The following RIMS1 variants were observed in gnomAD, a reference collection of about 807,000 sequenced individuals.
RIMS1 encodes the protein regulating synaptic membrane exocytosis 1.
RIMS1 carries 83 observed loss-of-function variants against 214.1 expected under a neutral mutation model. The ratio of observed to expected loss-of-function variants is 0.39; its 90% CI spans 0.32 to 0.47. The LOEUF (loss-of-function observed/expected upper bound fraction) is 0.47, where lower values mean the gene tolerates loss of function less well. Among genes scored for constraint, RIMS1 ranks in the 20% least tolerant of loss-of-function variants. The pLI is 0.99. For synonymous variants in RIMS1, 793 were observed against 786.8 expected, an observed-to-expected ratio of 1.01 and a Z score of -0.13; for missense variants, 2,050 against 2,161.8, an observed-to-expected ratio of 0.95 and a Z score of 1.03.
chr6:72,396,983 A>C (rs1311491321), intron 31 of RIMS1, among the ~76,000 whole-genome samples: 6 of 152,204 alleles, frequency 3.9e-5, no homozygotes, highest in Admixed American at 3.9e-4. Flanking sequence ...ACTGCACTCC[A>C]ACCTGGACGA....
rs1465724750 is a variant in RIMS1, at chr6:72,317,305, A to G, written c.4130+3633A>G. 7.4e-5 allele frequency: 20 copies of G among 271,868 alleles called. No homozygotes were observed. The Admixed American group carries it at 9.2e-4, about 13-fold the overall frequency. The allele number at this position is 271,868 out of a possible 1,614,324, so 16.8% of individuals were successfully genotyped here. The stretch of plus-strand genomic sequence containing the variant: ...ACCCCAGTTCTGCCAGCACCTGCAC[A>G]GGGCTGTGTTCTGCCACCATAGCGA... On this transcript the variant is annotated intron_variant, in intron 28 of 33. Transcript: ENST00000521978.
intron 2 of RIMS1, among the ~76,000 whole-genome samples, chr6:71,976,716 T>C (rs1356153165): frequency 6.6e-6 from 1 of 152,188 alleles, no homozygotes; most frequent in Non-Finnish European, 1.5e-5. Context: ...GAGAGTTTTA[T>C]ACTTTTAGAT....
At chr6:72,348,592 A>G (rs1197580829) in intron 29 of RIMS1, among the ~76,000 whole-genome samples, 2 of 151,898 alleles carry the variant, frequency 1.3e-5, no homozygotes, top group East Asian at 3.9e-4. Flanking sequence ...TGATTTTTTA[A>G]TAGATTCAGA....
intron 28 of RIMS1, among the ~76,000 whole-genome samples, chr6:72,332,734 A>ACCTCT (rs1394834463): frequency 6.6e-6 from 1 of 151,238 alleles, no homozygotes; most frequent in Admixed American, 6.6e-5. Flanking sequence ...TGCTTGCCCT[A>ACCTCT]CCTCTCCTCA....
chr6:71,891,756 A>G (rs1769950690), intron 1 of RIMS1, among the ~76,000 whole-genome samples: 1 of 152,218 alleles, frequency 6.6e-6, no homozygotes, highest in South Asian at 2.1e-4. Context: ...AGAATATGGA[A>G]ACCAGTGTGG....
chr6:72,296,898 A>G (rs2094144270), intron 26 of RIMS1, among the ~76,000 whole-genome samples: 1 of 151,822 alleles, frequency 6.6e-6, no homozygotes. Context: ...CTACAAACCC[A>G]GATCTTTTTA....
intron 26 of RIMS1, among the ~76,000 whole-genome samples, chr6:72,303,186 A>G (rs115838596): frequency 0.015 from 2,323 of 151,102 alleles, 56 homozygotes; most frequent in African/African-American, 0.052. Context: ...TTCCTAGAAA[A>G]TTACTTTATC....
intron 10 of RIMS1, among the ~76,000 whole-genome samples, chr6:72,245,598 T>G (rs559696693): frequency 6.6e-6 from 1 of 152,274 alleles, no homozygotes; most frequent in African/African-American, 2.4e-5. Flanking sequence ...CATGTTAAAG[T>G]TTTGCTCTTA....
At chr6:71,964,338 T>C (rs1167216708) in intron 1 of RIMS1, among the ~76,000 whole-genome samples, 1 of 152,038 alleles carries the variant, frequency 6.6e-6, no homozygotes, top group Non-Finnish European at 1.5e-5. Flanking sequence ...AACTATTGGG[T>C]AGAGGTGGCA....
chr6:72,191,354 A>G (rs891692850), intron 6 of RIMS1, among the ~76,000 whole-genome samples: 13 of 152,198 alleles, frequency 8.5e-5, no homozygotes, highest in African/African-American at 2.4e-4. Flanking sequence ...CAGGACCCCT[A>G]GAAATTTTAC....
At chr6:72,300,490 AAT>A (rs2094503730) in intron 26 of RIMS1, among the ~76,000 whole-genome samples, 2 of 151,824 alleles carry the variant, frequency 1.3e-5, no homozygotes, top group Admixed American at 6.6e-5. Flanking sequence ...TTATTGGAGT[AAT>A]GAGAAATTAT....
chr6:72,334,193 A>G (rs1210241420), intron 29 of RIMS1, among the ~76,000 whole-genome samples: 2 of 151,860 alleles, frequency 1.3e-5, no homozygotes, highest in East Asian at 3.9e-4. Context: ...TCAATTACTT[A>G]TTTTTGGCTA....
intron 16 of RIMS1, among the ~76,000 whole-genome samples, chr6:72,255,652 G>A (rs1178099502): frequency 2.0e-5 from 3 of 152,112 alleles, no homozygotes; most frequent in African/African-American, 2.4e-5. Context: ...CTCATCTGAG[G>A]TGAGGAATCT....
chr6:72,102,409 T>A (rs762275304), intron 4 of RIMS1, among the ~76,000 whole-genome samples: 1 of 152,022 alleles, frequency 6.6e-6, no homozygotes, highest in Non-Finnish European at 1.5e-5. Flanking sequence ...TTTCAACATA[T>A]GAAAGCTGCA....
At chr6:72,303,673 A>G (rs2094861966) in intron 26 of RIMS1, among the ~76,000 whole-genome samples, 1 of 151,502 alleles carries the variant, frequency 6.6e-6, no homozygotes, top group African/African-American at 2.4e-5. Flanking sequence ...TGACATACAT[A>G]GATTAATATT....
chr6:72,363,321 G>A (rs1464105754), intron 29 of RIMS1, among the ~76,000 whole-genome samples: 1 of 152,188 alleles, frequency 6.6e-6, no homozygotes, highest in Non-Finnish European at 1.5e-5. Context: ...ATTCTTAAGA[G>A]CAAGTTAGGG....
At chr6:72,092,633 G>A (rs1287144285) in intron 2 of RIMS1, among the ~76,000 whole-genome samples, 1 of 152,150 alleles carries the variant, frequency 6.6e-6, no homozygotes, top group Non-Finnish European at 1.5e-5. Context: ...AGGTCACCAA[G>A]GGCCAGCATT....
intron 4 of RIMS1, among the ~76,000 whole-genome samples, chr6:72,108,546 C>T (rs1438922700): frequency 6.6e-6 from 1 of 151,982 alleles, no homozygotes; most frequent in African/African-American, 2.4e-5. Flanking sequence ...TCTGTCTTTT[C>T]ATGGAGATTG....
intron 4 of RIMS1, among the ~76,000 whole-genome samples, chr6:72,133,536 C>G (rs1032486139): frequency 6.6e-6 from 1 of 152,152 alleles, no homozygotes; most frequent in Non-Finnish European, 1.5e-5. Flanking sequence ...TTACAGTTCT[C>G]CTTTGCTGCA....
Sources: allele counts gnomAD v4.1 joint callset (sites outside exome capture counted in the v4.1 genomes callset), GRCh38; gene constraint gnomAD v4.1.1; transcripts MANE v1.5; gene names NCBI Gene and HGNC (gene_info 2026-07-23, HGNC 2026-07-21).